Variants in CALN1 observed in about 807,000 individuals in gnomAD.
CALN1 encodes the protein calneuron 1, also known as calcium-binding protein 8.
CALN1 carries 17 observed loss-of-function variants against 30.6 expected under a neutral mutation model. The ratio of observed to expected loss-of-function variants is 0.56; its 90% CI spans 0.38 to 0.83. The LOEUF (loss-of-function observed/expected upper bound fraction) is 0.83. CALN1 is among the 40% of genes least tolerant of loss of function. The probability of loss-of-function intolerance (pLI) is 0.00; values close to 1 mark genes in which losing one functional copy is unlikely to be tolerated. For synonymous variants in CALN1, 156 were observed against 131.4 expected (o/e 1.19, Z -1.28); for missense variants, 291 against 354.9 (o/e 0.82, Z 1.45).
intron 2 of CALN1, among the ~76,000 whole-genome samples, chr7:72,322,010 G>C (rs1050905091): frequency 6.6e-6 from 1 of 152,174 alleles, no homozygotes; most frequent in South Asian, 2.1e-4. Flanking sequence ...GGGGGCAGGA[G>C]AGGATGGTTT....
chr7:72,429,357 T>C (rs1313126468), intron 1 of CALN1, among the ~76,000 whole-genome samples: 1 of 152,156 alleles, frequency 6.6e-6, no homozygotes, highest in East Asian at 1.9e-4. Context: ...GCACCTAGAA[T>C]AGCAAATGGC....
chr7:72,037,813 C>G (rs1163059439), intron 4 of CALN1, among the ~76,000 whole-genome samples: 1 of 152,122 alleles, frequency 6.6e-6, no homozygotes, highest in East Asian at 1.9e-4. Context: ...AACTGAATGT[C>G]TTCTCAGGTC....
intron 2 of CALN1, among the ~76,000 whole-genome samples, chr7:72,365,939 T>C (rs1161102514): frequency 1.3e-5 from 2 of 152,170 alleles, no homozygotes; most frequent in Admixed American, 1.3e-4. Context: ...ATCAAAGTTT[T>C]AAATGCACAT....
Position 71,847,522 on chromosome 7 carries a change from CA to C in CALN1, c.502-37031del, listed in dbSNP as rs796263204. ...CCAAAACCAAAACCAAAACCAAAAA[CA>C]AAAAAAAAATTATCCAGATGTGGTG... On this transcript the variant is annotated intron_variant, in intron 5 of 6. Transcript: ENST00000395275. Among the ~76,000 whole-genome samples, 447 of 147,610 alleles carry C rather than the reference CA, an allele frequency of 3.0e-3. 2 individuals are homozygous for C. Among genetic ancestry groups the C allele is most frequent in the African/African-American group, 0.01 (419 of 40,242 alleles).
At chr7:72,003,528 C>T (rs1231906108) in intron 5 of CALN1, among the ~76,000 whole-genome samples, 1 of 152,200 alleles carries the variant, frequency 6.6e-6, no homozygotes, top group Non-Finnish European at 1.5e-5. Flanking sequence ...CGCATTACCA[C>T]CTGAGCTCCA....
At chr7:72,189,933 ATTAT>A (rs1157426524) in intron 3 of CALN1, among the ~76,000 whole-genome samples, 1 of 152,084 alleles carries the variant, frequency 6.6e-6, no homozygotes, top group African/African-American at 2.4e-5. Context: ...CTGCTAGTAG[ATTAT>A]TTTAGACTTT....
chr7:72,491,559 A>G, the CALN1 span, among the ~76,000 whole-genome samples: 8 of 152,046 alleles, frequency 5.3e-5, no homozygotes, highest in African/African-American at 1.9e-4. Flanking sequence ...ACATGGTAAG[A>G]CTCTGTCTCA....
At chr7:71,920,330 CTTTT>C (rs71092931) in intron 5 of CALN1, among the ~76,000 whole-genome samples, 1,027 of 98,702 alleles carry the variant, frequency 0.01, 8 homozygotes, top group African/African-American at 0.038. Context: ...CAAATTAGTT[CTTTT>C]TTTTTTTTTT....
At chr7:71,922,350 C>A (rs531294618) in intron 5 of CALN1, among the ~76,000 whole-genome samples, 1 of 151,618 alleles carries the variant, frequency 6.6e-6, no homozygotes, top group African/African-American at 2.4e-5. Flanking sequence ...TGAATGAATT[C>A]AACGACAAAG....
intron 1 of CALN1, among the ~76,000 whole-genome samples, chr7:72,404,625 G>A (rs185617711): frequency 2.4e-4 from 36 of 152,206 alleles, no homozygotes; most frequent in Admixed American, 2.2e-3. Flanking sequence ...TCACTACTTG[G>A]CCCCTGAACA....
At chr7:72,365,059 C>T (rs981823443) in intron 2 of CALN1, among the ~76,000 whole-genome samples, 1 of 151,958 alleles carries the variant, frequency 6.6e-6, no homozygotes, top group Admixed American at 6.6e-5. Flanking sequence ...AATCCCAGCA[C>T]TTTGGGAGGC....
At chr7:71,922,559 TTATA>T (rs1562902881) in intron 5 of CALN1, among the ~76,000 whole-genome samples, 1 of 122,548 alleles carries the variant, frequency 8.2e-6, no homozygotes, top group South Asian at 2.3e-4. Flanking sequence ...AACACACAGA[TTATA>T]TATAAATATA....
chr7:72,223,109 A>C (rs188790669), intron 3 of CALN1, among the ~76,000 whole-genome samples: 1 of 152,312 alleles, frequency 6.6e-6, no homozygotes, highest in Admixed American at 6.5e-5. Flanking sequence ...ACTGGGACAC[A>C]GGCAAGGGAG....
chr7:72,335,327 T>C, intron 2 of CALN1, among the ~76,000 whole-genome samples: 1 of 152,206 alleles, frequency 6.6e-6, no homozygotes, highest in East Asian at 1.9e-4. Context: ...TAATTTCCCT[T>C]TTTGAGCAAA....
intron 1 of CALN1, among the ~76,000 whole-genome samples, chr7:72,410,105 G>C (rs1807016438): frequency 1.3e-5 from 2 of 152,108 alleles, no homozygotes; most frequent in African/African-American, 2.4e-5. Context: ...TGTGTAATGG[G>C]GTACGAGTTG....
At chr7:72,163,372 G>GA (rs934028316) in intron 3 of CALN1, among the ~76,000 whole-genome samples, 1 of 68,566 alleles carries the variant, frequency 1.5e-5, no homozygotes, top group African/African-American at 5.1e-5. Flanking sequence ...TGTACTACAA[G>GA]AAAAAAACTT....
intron 2 of CALN1, among the ~76,000 whole-genome samples, chr7:72,387,266 A>AGGGAGGG (rs1805276487): frequency 2.7e-4 from 2 of 7,308 alleles, no homozygotes; most frequent in Non-Finnish European, 5.3e-4. Context: ...GGAAGGGAGG[A>AGGGAGGG]AGGGAGGAAG....
chr7:71,950,910 T>C (rs1314738820), intron 5 of CALN1, among the ~76,000 whole-genome samples: 1 of 152,200 alleles, frequency 6.6e-6, no homozygotes, highest in East Asian at 1.9e-4. Context: ...TAAAGCCGGC[T>C]CCACCCTGTC....
rs1562836015 is a variant in CALN1 at position 71,847,847 on chromosome 7, G to GAAGAAGGAGA, written c.502-37356_502-37355insTCTCCTTCTT. Among the ~76,000 whole-genome samples the GAAGAAGGAGA allele has an allele frequency of 1.2e-4, 16 of 134,898 alleles. No homozygotes were observed. In the South Asian group the frequency reaches 3.4e-3, roughly 28 times the overall value. The allele number at this position is 134,898 out of a possible 152,430, so 88.5% of individuals were successfully genotyped here. On this transcript the variant is annotated intron_variant, in intron 5 of 6. Transcript: ENST00000395275. ...GGAGAAGGAGAAGGAGAAGGAGAAG[G>GAAGAAGGAGA]AGAAGAAGAAGAGGAAAGTTTTCCC...
Sources: allele counts gnomAD v4.1 joint callset (sites outside exome capture counted in the v4.1 genomes callset), GRCh38; gene constraint gnomAD v4.1.1; transcripts MANE v1.5; gene names NCBI Gene and HGNC (gene_info 2026-07-23, HGNC 2026-07-21).